GRM5: variants seen among roughly 807,000 people sequenced by gnomAD.
The protein encoded by GRM5 is glutamate metabotropic receptor 5.
In GRM5, 19 loss-of-function variants were observed where a neutral mutation model predicts 83.1. That is an observed-to-expected ratio of 0.23 (90% CI 0.16 to 0.34). The LOEUF is 0.34. Ranked by LOEUF, GRM5 falls within the 10% of genes least tolerant of loss-of-function variation. The pLI is 1.00. For missense variants in GRM5, 1,160 were observed against 1,588.3 expected, an observed-to-expected ratio of 0.73 and a Z score of 4.58; for synonymous variants, 675 against 633.6, an observed-to-expected ratio of 1.07 and a Z score of -0.98.
At chr11:88,714,210 C>CA (rs1480593516) in intron 3 of GRM5, among the ~76,000 whole-genome samples, 1 of 152,004 alleles carries the variant, frequency 6.6e-6, no homozygotes, top group Non-Finnish European at 1.5e-5. Context: ...CAACAGGCTA[C>CA]AGTAGGCTGT....
chr11:88,925,550 T>C (rs757378168), intron 2 of GRM5, among the ~76,000 whole-genome samples: 1 of 152,134 alleles, frequency 6.6e-6, no homozygotes, highest in Non-Finnish European at 1.5e-5. Flanking sequence ...ACTGAGTCAA[T>C]TGTAATGTAT....
intron 4 of GRM5, among the ~76,000 whole-genome samples, chr11:88,642,832 A>T (rs1372736520): frequency 6.6e-6 from 1 of 152,116 alleles, no homozygotes; most frequent in Non-Finnish European, 1.5e-5. Context: ...ATCCGCCTGA[A>T]TTTCACTGTC....
At chr11:88,664,061 A>C (rs1591423134) in intron 3 of GRM5, among the ~76,000 whole-genome samples, 1 of 152,324 alleles carries the variant, frequency 6.6e-6, no homozygotes, top group Non-Finnish European at 1.5e-5. Flanking sequence ...AACAAGTAAC[A>C]TTGTACTTGC....
chr11:88,831,674 C>G (rs192164548), intron 3 of GRM5, among the ~76,000 whole-genome samples: 1 of 152,242 alleles, frequency 6.6e-6, no homozygotes, highest in Middle Eastern at 3.4e-3. Flanking sequence ...CCCAAATTGC[C>G]ACTACCACCA....
At chr11:88,516,858 C>T (rs543341507) in intron 9 of GRM5, among the ~76,000 whole-genome samples, 2 of 151,926 alleles carry the variant, frequency 1.3e-5, no homozygotes, top group Admixed American at 6.6e-5. Flanking sequence ...ACCATGGACA[C>T]CATTATTTTG....
intron 3 of GRM5, among the ~76,000 whole-genome samples, chr11:88,803,582 C>T (rs891954781): frequency 6.6e-6 from 1 of 152,128 alleles, no homozygotes; most frequent in Non-Finnish European, 1.5e-5. Flanking sequence ...CCATAACAAC[C>T]TAGAAGAAAA....
intron 5 of GRM5, among the ~76,000 whole-genome samples, chr11:88,602,888 A>T (rs1440419975): frequency 1.3e-5 from 2 of 151,990 alleles, no homozygotes; most frequent in Non-Finnish European, 2.9e-5. Flanking sequence ...GCTAGTTATA[A>T]TTTTTTTTGT....
intron 3 of GRM5, among the ~76,000 whole-genome samples, chr11:88,661,023 G>GGT (rs1239716516): frequency 2.0e-5 from 3 of 152,092 alleles, no homozygotes; most frequent in Non-Finnish European, 4.4e-5. Flanking sequence ...CTAAATATGT[G>GGT]GATATAGTGG....
chr11:89,047,538 A>G lies in GRM5; in HGVS notation c.335T>C (p.Phe112Ser). Residue 112 changes from phenylalanine (F) to serine (S), a missense_variant, in exon 2 of 10, where the codon TTC becomes TCC. This residue lies in a region of GRM5 where 71 missense variants were observed against 145.8 expected (regional missense o/e 0.49). Coordinates refer to ENST00000305447, the MANE Select transcript of GRM5 (RefSeq NM_001143831.3). The surrounding 1 kb of genome is among the most constrained non-coding windows in gnomAD (Gnocchi z 5.1). ...TGAAGAAATGAGGGAATCTCTTATG[A>G]ACTCAATGCTCTGCTCTAGGGCCAC... ...SAVALEQSIEFIRDSLISSEE... is the reference protein window; with the variant it reads ...SAVALEQSIESIRDSLISSEE... 6.2e-7 allele frequency: 1 copy of G among 1,614,120 alleles called. No homozygotes were observed. The highest frequency in any genetic ancestry group is 8.5e-7 in the Non-Finnish European group (1 of 1,179,984).
chr11:89,026,662 A>G (rs1286215447), intron 2 of GRM5, among the ~76,000 whole-genome samples: 2 of 152,214 alleles, frequency 1.3e-5, no homozygotes, highest in Admixed American at 1.3e-4. Context: ...AAATACTAAC[A>G]CATGAGAGTC....
At chr11:88,987,880 C>A (rs922355678) in intron 2 of GRM5, among the ~76,000 whole-genome samples, 1 of 150,738 alleles carries the variant, frequency 6.6e-6, no homozygotes, top group South Asian at 2.1e-4. Context: ...CATCAAAGAC[C>A]AAAAGTAGAT....
intron 3 of GRM5, among the ~76,000 whole-genome samples, chr11:88,720,805 TGTGTGTGTGTGTGTGC>T (rs764947136): frequency 2.8e-4 from 37 of 131,066 alleles, no homozygotes; most frequent in South Asian, 1.1e-3. Flanking sequence ...TCTGTGTGTG[TGTGTGTGTGTGTGTGC>T]GTGTGTGTGT....
At chr11:88,635,454 A>G (rs1416908830) in intron 4 of GRM5, among the ~76,000 whole-genome samples, 1 of 152,146 alleles carries the variant, frequency 6.6e-6, no homozygotes, top group Non-Finnish European at 1.5e-5. Flanking sequence ...TATCTGTTGG[A>G]CATTTGTATA....
chr11:88,730,990 A>T (rs1052753348), intron 3 of GRM5, among the ~76,000 whole-genome samples: 5 of 152,158 alleles, frequency 3.3e-5, no homozygotes, highest in African/African-American at 1.2e-4. Context: ...CACGTTCTAC[A>T]CATGTATCCC....
chr11:88,813,972 T>C (rs1943628354), intron 3 of GRM5, among the ~76,000 whole-genome samples: 1 of 152,130 alleles, frequency 6.6e-6, no homozygotes, highest in Non-Finnish European at 1.5e-5. Flanking sequence ...AAAACAAGAC[T>C]TAGCCTTCTA....
At chr11:88,587,133 C>T (rs1399455976) in intron 7 of GRM5, among the ~76,000 whole-genome samples, 1 of 152,082 alleles carries the variant, frequency 6.6e-6, no homozygotes, top group Non-Finnish European at 1.5e-5. Context: ...GATATGTATA[C>T]AGATCATTAA....
intron 9 of GRM5, among the ~76,000 whole-genome samples, chr11:88,520,606 G>T (rs974039318): frequency 1.3e-5 from 2 of 152,146 alleles, no homozygotes; most frequent in African/African-American, 4.8e-5. Flanking sequence ...ATACACTGCA[G>T]ATTTTCAAGG....
At chr11:88,950,976 A>G (rs1221074573) in intron 2 of GRM5, among the ~76,000 whole-genome samples, 2 of 152,234 alleles carry the variant, frequency 1.3e-5, no homozygotes, top group Non-Finnish European at 2.9e-5. Flanking sequence ...AGTGTTGGGA[A>G]AAACCAAGAC....
At chr11:88,553,271 A>T (rs1017968268) in intron 8 of GRM5, among the ~76,000 whole-genome samples, 3 of 152,144 alleles carry the variant, frequency 2.0e-5, no homozygotes, top group African/African-American at 7.2e-5. Flanking sequence ...GGCAGGCCGT[A>T]GCTCTGTGCA....
Sources: allele counts gnomAD v4.1 joint callset (sites outside exome capture counted in the v4.1 genomes callset), GRCh38; gene constraint gnomAD v4.1.1; regional missense constraint gnomAD v4.1.1; non-coding constraint Gnocchi (gnomAD v3.1); transcripts MANE v1.5; gene names NCBI Gene and HGNC (gene_info 2026-07-23, HGNC 2026-07-21).